Variants in CYTIP observed in about 807,000 individuals in gnomAD.
CYTIP encodes cytohesin 1 interacting protein, also known as cytohesin-interacting protein.
In CYTIP, 26 loss-of-function variants were observed where a neutral mutation model predicts 43.8. That is an observed-to-expected ratio of 0.59 (90% CI 0.44 to 0.82). CYTIP has a LOEUF of 0.82. Among genes scored for constraint, CYTIP ranks in the 40% least tolerant of loss-of-function variants. The pLI is 0.00. For missense variants in CYTIP, 426 were observed against 443.1 expected, an observed-to-expected ratio of 0.96 and a Z score of 0.35; for synonymous variants, 162 against 162.9, an observed-to-expected ratio of 0.99 and a Z score of 0.04.
At chr2:157,434,200 T>G (rs951970130) in intron 3 of CYTIP, 170 bp downstream of exon 3, 2 of 659,900 alleles carry the variant, frequency 3.0e-6, no homozygotes, top group African/African-American at 3.7e-5. Context: ...TTTTCTTTCC[T>G]TAATAGTACT....
rs149140287 is a variant in CYTIP, at chr2:157,417,346, A to G, written c.613+1177T>C. Among the ~76,000 whole-genome samples the G allele has an allele frequency of 2.6e-5, 4 of 152,318 alleles. No homozygotes were observed. In the East Asian group the frequency reaches 5.8e-4, roughly 22 times the overall value. On this transcript the variant is annotated intron_variant, in intron 7 of 7. Coordinates refer to ENST00000264192, the MANE Select transcript of CYTIP (RefSeq NM_004288.5). ...GGATGTTTACTATACATCTAGAAAA[A>G]GCAGAACTCCTTCAATTGCTCAAAA...
At chr2:157,437,256 T>C (rs1472977285) in intron 1 of CYTIP, among the ~76,000 whole-genome samples, 1 of 151,956 alleles carries the variant, frequency 6.6e-6, no homozygotes, top group Non-Finnish European at 1.5e-5. Context: ...CAGCAAACAA[T>C]TAACAGAGTG....
At chr2:157,434,208 A>G (rs1458862118) in intron 3 of CYTIP, 162 bp downstream of exon 3, 5 of 678,682 alleles carry the variant, frequency 7.4e-6, no homozygotes, top group Non-Finnish European at 1.3e-5. Flanking sequence ...CCTTAATAGT[A>G]CTCAACACAC....
intron 7 of CYTIP, among the ~76,000 whole-genome samples, chr2:157,417,670 G>C (rs900507320): frequency 6.6e-6 from 1 of 151,050 alleles, no homozygotes; most frequent in African/African-American, 2.4e-5. Flanking sequence ...GAAGTAACTT[G>C]TACATAAGTT....
At chr2:157,434,110 T>C in intron 3 of CYTIP, 2 of 536,662 alleles carry the variant, frequency 3.7e-6, no homozygotes, top group Non-Finnish European at 6.6e-6. Flanking sequence ...AGCTGATCAG[T>C]CTGGGACTTA....
intron 6 of CYTIP, among the ~76,000 whole-genome samples, chr2:157,422,292 C>G (rs1041362587): frequency 6.6e-6 from 1 of 152,080 alleles, no homozygotes; most frequent in Non-Finnish European, 1.5e-5. Context: ...ATCTAAACCT[C>G]CAAACACAGA....
In CYTIP at chr2:157,429,447, T is replaced by C. The variant is rs145832693; in HGVS notation, c.476+1112A>G. Reference sequence around the variant, plus strand: ...TGACAGGCCATTGCTGTTTTGCACTTTTCTCATAGTAGTTATCAATAACTG... The same window carrying C: ...TGACAGGCCATTGCTGTTTTGCACTCTTCTCATAGTAGTTATCAATAACTG... On this transcript the variant is annotated intron_variant, in intron 5 of 7. Transcript: ENST00000264192. Among the ~76,000 whole-genome samples, 800 of 152,352 alleles carry C rather than the reference T, an allele frequency of 5.3e-3. 6 individuals carry two copies. The highest frequency in any genetic ancestry group is 0.01 in the Middle Eastern group (3 of 294).
chr2:157,426,103 C>T (rs1462070520), intron 6 of CYTIP, among the ~76,000 whole-genome samples: 4 of 151,530 alleles, frequency 2.6e-5, no homozygotes, highest in Non-Finnish European at 4.4e-5. Context: ...AAATCATTAG[C>T]AATAAGTGGC....
At chr2:157,420,385 A>C (rs540540905) in intron 6 of CYTIP, among the ~76,000 whole-genome samples, 1 of 152,222 alleles carries the variant, frequency 6.6e-6, no homozygotes. Flanking sequence ...GTGTGATGGC[A>C]GGCATCTGTA....
chr2:157,434,718 A>C lies in CYTIP; in HGVS notation c.204T>G (p.Ser68Arg). 6.2e-7 allele frequency: 1 copy of C among 1,611,882 alleles called. No individual in the cohort carries two copies. Among genetic ancestry groups the C allele is most frequent in the Non-Finnish European group, 8.5e-7 (1 of 1,178,852 alleles). Residue 68 changes from serine to arginine, a missense_variant, in exon 2 of 8, where the codon AGT (serine) becomes AGG (arginine). By Grantham distance (110) the Ser-to-Arg change is moderately radical. Coordinates refer to ENST00000264192, the MANE Select transcript of CYTIP (RefSeq NM_004288.5). ...QLALTRSSSL[S>R]DFSWSQRKLV... The stretch of plus-strand genomic sequence containing the variant: ...TTTACCTTTGAGACCAGGAAAAGTC[A>C]CTTAAAGAACTTGATCTGGTCAAAG...
At chr2:157,422,814 G>GA (rs1685543476) in intron 6 of CYTIP, among the ~76,000 whole-genome samples, 1 of 151,810 alleles carries the variant, frequency 6.6e-6, no homozygotes, top group Admixed American at 6.6e-5. Context: ...AGATAGACAT[G>GA]AAAAAGAACT....
rs762663690 is a variant in CYTIP, at chr2:157,430,577, G to C, written c.458C>G (p.Ser153Trp). 2 of 1,614,110 alleles carry C rather than the reference G, an allele frequency of 1.2e-6. No individual in the cohort carries two copies. Among genetic ancestry groups the C allele is most frequent in the Non-Finnish European group, 1.7e-6 (2 of 1,179,956 alleles). Residue 153 changes from serine (S) to tryptophan (W), a missense_variant, in exon 5 of 8, where the codon TCG becomes TGG. By Grantham distance (177) the Ser-to-Trp change is radical (BLOSUM62 -3). Transcript: ENST00000264192. Reference sequence around the variant, plus strand: ...TAGTTACGTTAGCAGGTTTCCGGACGATCTGATCAGGTCAACGACTTGTTT... The same window carrying C: ...TAGTTACGTTAGCAGGTTTCCGGACCATCTGATCAGGTCAACGACTTGTTT... ...TYKQVVDLIR[S>W]SGNLLTIETL...
chr2:157,434,514 TA>T (rs1685774914), intron 2 of CYTIP, 90 bp from the exon 3 acceptor site: 2 of 1,097,350 alleles, frequency 1.8e-6, no homozygotes, highest in Admixed American at 4.0e-5. Flanking sequence ...CTGTCACAAT[TA>T]AAAATAACTG....
Position 157,434,415 on chromosome 2 carries a change from A to G in CYTIP, c.234T>C (p.Val78=). The change falls in exon 3 of 8, where the codon GTT becomes GTC. Residue 78 remains valine (V), a synonymous_variant. Transcript: ENST00000264192. ...SDFSWSQRKL[V]TVEKQDNETF... is the part of the protein sequence containing the mutation. Reference sequence around the variant, plus strand: ...TTTCATTATCCTGCTTCTCCACAGTAACAAGCTTTCTGTAATAAAAATGTT... The same window carrying G: ...TTTCATTATCCTGCTTCTCCACAGTGACAAGCTTTCTGTAATAAAAATGTT... The G allele has an allele frequency of 1.2e-6, 2 of 1,611,790 alleles. No individual in the cohort carries two copies. The highest frequency in any genetic ancestry group is 1.7e-6 in the Non-Finnish European group (2 of 1,178,706).
chr2:157,425,811 T>G (rs1407390804), intron 6 of CYTIP, among the ~76,000 whole-genome samples: 1 of 151,804 alleles, frequency 6.6e-6, no homozygotes, highest in Non-Finnish European at 1.5e-5. Flanking sequence ...AAGTACAATA[T>G]GAACCACTGT....
chr2:157,440,128 G>A (rs930657894), intron 1 of CYTIP, among the ~76,000 whole-genome samples: 2 of 152,110 alleles, frequency 1.3e-5, no homozygotes, highest in Admixed American at 6.5e-5. Context: ...GAGGTTTTTT[G>A]TCACTGTTAC....
chr2:157,423,768 T>G (rs1685560278), intron 6 of CYTIP, among the ~76,000 whole-genome samples: 3 of 152,124 alleles, frequency 2.0e-5, no homozygotes. Context: ...TAATTACATT[T>G]ACAAATTATA....
intron 6 of CYTIP, among the ~76,000 whole-genome samples, chr2:157,424,682 C>T (rs1359449829): frequency 6.6e-6 from 1 of 151,948 alleles, no homozygotes; most frequent in Non-Finnish European, 1.5e-5. Flanking sequence ...AGAGTGAGAC[C>T]CTGTCTCCAA....
At chr2:157,432,706 G>A (rs539297465) in intron 3 of CYTIP, among the ~76,000 whole-genome samples, 2 of 152,218 alleles carry the variant, frequency 1.3e-5, no homozygotes, top group African/African-American at 2.4e-5. Context: ...CATTCCTCTA[G>A]TAGGCCACAT....
Sources: allele counts gnomAD v4.1 joint callset (sites outside exome capture counted in the v4.1 genomes callset), GRCh38; gene constraint gnomAD v4.1.1; transcripts MANE v1.5; gene names NCBI Gene and HGNC (gene_info 2026-07-23, HGNC 2026-07-21).